Variants in NEGR1 observed in about 807,000 individuals in gnomAD.
NEGR1 encodes the protein neuronal growth regulator 1.
NEGR1 carries 10 observed loss-of-function variants against 40.9 expected under a neutral mutation model. The ratio of observed to expected loss-of-function variants is 0.24; its 90% CI spans 0.15 to 0.42. The LOEUF (loss-of-function observed/expected upper bound fraction) is 0.42, where lower values mean the gene tolerates loss of function less well. Among genes scored for constraint, NEGR1 ranks in the 10% least tolerant of loss-of-function variants. NEGR1 has a pLI of 1.00. For missense variants in NEGR1, 352 were observed against 438.9 expected, an observed-to-expected ratio of 0.80 and a Z score of 1.77; for synonymous variants, 185 against 166.8, an observed-to-expected ratio of 1.11 and a Z score of -0.84.
At chr1:71,510,910 T>C (rs1337104899) in intron 6 of NEGR1, among the ~76,000 whole-genome samples, 2 of 152,226 alleles carry the variant, frequency 1.3e-5, no homozygotes, top group African/African-American at 4.8e-5. Context: ...ACACTCAGAC[T>C]GGAAGGTTGG....
At chr1:71,535,439 T>C (rs527705291) in intron 6 of NEGR1, among the ~76,000 whole-genome samples, 1 of 151,856 alleles carries the variant, frequency 6.6e-6, no homozygotes, top group Admixed American at 6.6e-5. Context: ...TAAAGCCACA[T>C]TGTCTCATAG....
chr1:72,182,968 C>A (rs1235952529), intron 1 of NEGR1, among the ~76,000 whole-genome samples: 1 of 151,978 alleles, frequency 6.6e-6, no homozygotes, highest in South Asian at 2.1e-4. Context: ...TTCACACATG[C>A]AAGGGTGACA....
At chr1:72,188,198 T>C (rs1652682227) in intron 1 of NEGR1, among the ~76,000 whole-genome samples, 1 of 151,442 alleles carries the variant, frequency 6.6e-6, no homozygotes. Flanking sequence ...TAATTAAATT[T>C]CAAAGCCAGA....
At chr1:71,868,632 C>G (rs1359973814) in intron 2 of NEGR1, among the ~76,000 whole-genome samples, 1 of 152,134 alleles carries the variant, frequency 6.6e-6, no homozygotes, top group Non-Finnish European at 1.5e-5. Context: ...AATGCACTTT[C>G]TGTTACCAAC....
intron 2 of NEGR1, among the ~76,000 whole-genome samples, chr1:71,864,192 C>A (rs1660045531): frequency 1.3e-5 from 2 of 152,122 alleles, no homozygotes; most frequent in African/African-American, 2.4e-5. Context: ...TTTCATGGTA[C>A]CACCTCTTGG....
chr1:71,996,974 T>C (rs550655309), intron 1 of NEGR1, among the ~76,000 whole-genome samples: 25 of 152,150 alleles, frequency 1.6e-4, no homozygotes, highest in African/African-American at 5.3e-4. Context: ...ACCTCCCTAC[T>C]ATAATTCACT....
chr1:72,022,902 A>G (rs1646773722), intron 1 of NEGR1, among the ~76,000 whole-genome samples: 1 of 152,192 alleles, frequency 6.6e-6, no homozygotes, highest in African/African-American at 2.4e-5. Flanking sequence ...GTAATTTTTA[A>G]AAGGTGACAA....
At chr1:72,055,789 T>TTATATATATTATATATATATATATA (rs1647104510) in intron 1 of NEGR1, among the ~76,000 whole-genome samples, 2 of 146,350 alleles carry the variant, frequency 1.4e-5, no homozygotes, top group Non-Finnish European at 3.0e-5. Flanking sequence ...CTATAATATA[T>TTATATATATTATATATATATATATA]TATATATATT....
intron 4 of NEGR1, among the ~76,000 whole-genome samples, chr1:71,660,447 C>T (rs898280351): frequency 5.7e-4 from 86 of 151,998 alleles, no homozygotes; most frequent in African/African-American, 2.0e-3. Flanking sequence ...ACCTATATAA[C>T]AAACATTCAC....
At chr1:71,778,813 T>C (rs1192098237) in intron 2 of NEGR1, among the ~76,000 whole-genome samples, 1 of 152,202 alleles carries the variant, frequency 6.6e-6, no homozygotes, top group East Asian at 1.9e-4. Flanking sequence ...AATAGTTTAG[T>C]TGGATCTTTA....
intron 4 of NEGR1, among the ~76,000 whole-genome samples, chr1:71,627,177 C>T (rs1004386995): frequency 1.3e-5 from 2 of 152,068 alleles, no homozygotes; most frequent in African/African-American, 4.8e-5. Context: ...AATCATGATG[C>T]TATAAAGACA....
At chr1:71,500,846 C>T (rs560112466) in intron 6 of NEGR1, among the ~76,000 whole-genome samples, 10 of 151,950 alleles carry the variant, frequency 6.6e-5, no homozygotes, top group Admixed American at 3.3e-4. Context: ...TGTGCATGTT[C>T]TTTAAATAGT....
Position 71,684,794 on chromosome 1 carries a change from G to T in NEGR1, c.667+13214C>A, listed in dbSNP as rs1441002546. Among the ~76,000 whole-genome samples, 3 of 152,136 alleles carry T rather than the reference G, an allele frequency of 2.0e-5. No homozygotes were observed. In the East Asian group the frequency reaches 5.8e-4, roughly 29 times the overall value. On this transcript the variant is annotated intron_variant, in intron 4 of 6. Transcript: ENST00000357731. The stretch of plus-strand genomic sequence containing the variant: ...TTCCTCTCCATTCTCCCGGTAATAT[G>T]GTTGGCTTTCAATTTGTCATATTCC...
At chr1:72,135,633 C>T (rs2100323834) in intron 1 of NEGR1, among the ~76,000 whole-genome samples, 1 of 152,120 alleles carries the variant, frequency 6.6e-6, no homozygotes, top group East Asian at 1.9e-4. Context: ...AACTGTGAGA[C>T]TGGGATTATG....
At chr1:71,692,657 T>C (rs1314644319) in intron 4 of NEGR1, among the ~76,000 whole-genome samples, 1 of 151,854 alleles carries the variant, frequency 6.6e-6, no homozygotes, top group East Asian at 1.9e-4. Flanking sequence ...CAGTGGCTTC[T>C]CATTTCAAGC....
At chr1:72,131,947 A>T (rs1650270513) in intron 1 of NEGR1, among the ~76,000 whole-genome samples, 2 of 152,002 alleles carry the variant, frequency 1.3e-5, no homozygotes, top group Admixed American at 1.3e-4. Context: ...AAATACAAAA[A>T]AATTAGCCAG....
chr1:71,432,608 C>A (rs996845088), intron 6 of NEGR1, among the ~76,000 whole-genome samples: 4 of 152,110 alleles, frequency 2.6e-5, no homozygotes, highest in African/African-American at 7.2e-5. Context: ...ACTAAAGGAA[C>A]GAAGGCTAAA....
chr1:71,780,040 CAAAAAAAA>C (rs57576840), intron 2 of NEGR1, among the ~76,000 whole-genome samples: 3 of 99,736 alleles, frequency 3.0e-5, no homozygotes, highest in African/African-American at 1.4e-4. Flanking sequence ...ATAGGAAAAC[CAAAAAAAA>C]AAAAAAAAAA....
intron 4 of NEGR1, among the ~76,000 whole-genome samples, chr1:71,680,447 G>T (rs1429837442): frequency 2.0e-5 from 3 of 152,050 alleles, no homozygotes; most frequent in Admixed American, 6.6e-5. Context: ...GCAGCACGTA[G>T]AATTCTGTCT....
Sources: allele counts gnomAD v4.1 joint callset (sites outside exome capture counted in the v4.1 genomes callset), GRCh38; gene constraint gnomAD v4.1.1; transcripts MANE v1.5; gene names NCBI Gene and HGNC (gene_info 2026-07-23, HGNC 2026-07-21).